The following CHODL variants were observed in gnomAD, a reference collection of about 807,000 sequenced individuals.
CHODL encodes transmembrane protein MT75.
Under a neutral mutation model 34.5 loss-of-function variants are expected in CHODL, and 29 were observed. The observed-to-expected ratio is 0.84, with a 90% confidence interval of 0.63 to 1.15. The LOEUF (loss-of-function observed/expected upper bound fraction) is 1.15, where lower values mean the gene tolerates loss of function less well. Among genes scored for constraint, CHODL ranks in the 50% most tolerant of loss-of-function variants. The probability of loss-of-function intolerance (pLI) is 0.00; values close to 1 mark genes in which losing one functional copy is unlikely to be tolerated. For missense variants in CHODL, 332 were observed against 332.5 expected, an observed-to-expected ratio of 1.00 and a Z score of 0.01; for synonymous variants, 125 against 116.1, an observed-to-expected ratio of 1.08 and a Z score of -0.49.
chr21:17,962,606 C>T (rs1175577169), intron 1 of CHODL, among the ~76,000 whole-genome samples: 1 of 152,088 alleles, frequency 6.6e-6, no homozygotes, highest in Non-Finnish European at 1.5e-5. Context: ...TATTTTATTA[C>T]CAGATGTGAC....
intron 1 of CHODL, among the ~76,000 whole-genome samples, chr21:17,925,443 G>A (rs2063215152): frequency 6.6e-6 from 1 of 152,172 alleles, no homozygotes. Context: ...CACATTTGAA[G>A]TGTCAGAGGG....
intron 2 of CHODL, among the ~76,000 whole-genome samples, chr21:18,224,166 T>C (rs1196477373): frequency 1.2e-4 from 18 of 152,152 alleles, no homozygotes. Flanking sequence ...TGTTACCAAA[T>C]TGACTGAGGT....
chr21:18,042,281 C>T (rs993030168), intron 2 of CHODL, among the ~76,000 whole-genome samples: 11 of 151,896 alleles, frequency 7.2e-5, no homozygotes, highest in African/African-American at 2.2e-4. Context: ...GGACCCCCTT[C>T]TCCCCACCCC....
At chr21:18,255,710 T>A (rs73206946) in intron 1 of CHODL, among the ~76,000 whole-genome samples, 8,174 of 152,106 alleles carry the variant, frequency 0.054, 319 homozygotes, top group Non-Finnish European at 0.078. Flanking sequence ...TTCCTTTTTT[T>A]AAAAAAGTAC....
At chr21:18,075,194 G>T (rs2064850004) in intron 2 of CHODL, among the ~76,000 whole-genome samples, 4 of 152,150 alleles carry the variant, frequency 2.6e-5, no homozygotes, top group Admixed American at 1.3e-4. Flanking sequence ...ACTAAAGAAT[G>T]CTCTCAGCCT....
At chr21:18,215,823 T>C (rs2073822303) in intron 2 of CHODL, among the ~76,000 whole-genome samples, 1 of 152,168 alleles carries the variant, frequency 6.6e-6, no homozygotes, top group Admixed American at 6.5e-5. Context: ...TACTTCTATC[T>C]ATGAGTTTAC....
At chr21:18,100,817 T>C (rs745505546) in intron 2 of CHODL, among the ~76,000 whole-genome samples, 3 of 152,168 alleles carry the variant, frequency 2.0e-5, no homozygotes, top group Admixed American at 6.6e-5. Context: ...AGAGTATTTA[T>C]ATACTGTATG....
intron 1 of CHODL, among the ~76,000 whole-genome samples, chr21:17,987,522 C>G (rs1414970536): frequency 2.0e-5 from 3 of 152,162 alleles, no homozygotes; most frequent in African/African-American, 7.2e-5. Flanking sequence ...CCACTTGAAG[C>G]TCAGTTTGAA....
chr21:17,931,738 G>A (rs2063275167), intron 1 of CHODL, among the ~76,000 whole-genome samples: 1 of 152,066 alleles, frequency 6.6e-6, no homozygotes, highest in Non-Finnish European at 1.5e-5. Flanking sequence ...ATTCACTGAA[G>A]GAATTACAAA....
At chr21:18,028,699 A>T (rs1406016542) in intron 2 of CHODL, among the ~76,000 whole-genome samples, 2 of 41,662 alleles carry the variant, frequency 4.8e-5, no homozygotes, top group East Asian at 3.5e-4. Flanking sequence ...AACTCCATCT[A>T]AAAAAAAAAA....
Position 17,980,091 on chromosome 21 carries a change from C to CT in CHODL, c.-144-47765dup, listed in dbSNP as rs59630058. On this transcript the variant is annotated intron_variant, in intron 1 of 6. Transcript: ENST00000400127. ...TTCCTGTATTGACATTAAATTCATCCTTTTTTTTTTTTTTTTGGTCTGGAG... is the reference window on the plus strand; with the variant it reads ...TTCCTGTATTGACATTAAATTCATCCTTTTTTTTTTTTTTTTTGGTCTGGAG... Among the ~76,000 whole-genome samples the CT allele has an allele frequency of 8.4e-3, 1,133 of 134,926 alleles. 10 individuals carry two copies. Among genetic ancestry groups the CT allele is most frequent in the African/African-American group, 0.022 (826 of 36,874 alleles). The allele number at this position is 134,926 out of a possible 152,430, so 88.5% of individuals were successfully genotyped here.
intron 2 of CHODL, among the ~76,000 whole-genome samples, chr21:18,237,584 A>T (rs532341294): frequency 6.6e-6 from 1 of 152,264 alleles, no homozygotes; most frequent in South Asian, 2.1e-4. Flanking sequence ...TGCAGTTCTT[A>T]TTATACATCC....
At chr21:18,215,430 G>T (rs1046583743) in intron 2 of CHODL, among the ~76,000 whole-genome samples, 3 of 152,136 alleles carry the variant, frequency 2.0e-5, no homozygotes, top group Non-Finnish European at 2.9e-5. Flanking sequence ...ATAGCAGAGA[G>T]ATATATAAAG....
chr21:18,091,648 T>G (rs1489868152), intron 2 of CHODL, among the ~76,000 whole-genome samples: 1 of 152,122 alleles, frequency 6.6e-6, no homozygotes, highest in Non-Finnish European at 1.5e-5. Context: ...AAGCTGGGCA[T>G]TTGGGTCCTC....
intron 2 of CHODL, among the ~76,000 whole-genome samples, chr21:18,113,925 TGTG>T (rs1321512638): frequency 2.0e-5 from 3 of 152,138 alleles, no homozygotes; most frequent in African/African-American, 4.8e-5. Flanking sequence ...ATAAACAAAA[TGTG>T]GTCCATATAC....
intron 1 of CHODL, among the ~76,000 whole-genome samples, chr21:18,251,347 G>A (rs577142133): frequency 1.5e-5 from 2 of 137,444 alleles, no homozygotes; most frequent in Admixed American, 7.3e-5. Flanking sequence ...AAACTAATAA[G>A]GATGAATATT....
intron 1 of CHODL, among the ~76,000 whole-genome samples, chr21:17,923,468 T>G (rs2146311424): frequency 6.6e-6 from 1 of 151,168 alleles, no homozygotes; most frequent in East Asian, 1.9e-4. Flanking sequence ...TTCAGTTTTT[T>G]TTTTTTTTTT....
At chr21:18,041,716 G>A (rs2064378124) in intron 2 of CHODL, among the ~76,000 whole-genome samples, 1 of 151,846 alleles carries the variant, frequency 6.6e-6, no homozygotes, top group Admixed American at 6.6e-5. Context: ...TAACTGAGAT[G>A]TCTAGTTCAG....
chr21:18,049,294 CT>C (rs1258109676), intron 2 of CHODL, among the ~76,000 whole-genome samples: 1 of 151,848 alleles, frequency 6.6e-6, no homozygotes, highest in African/African-American at 2.4e-5. Context: ...AATTGATAAA[CT>C]TTTTAGAAGT....
Sources: gnomAD v4.1 joint callset for allele counts (sites outside exome capture counted in the v4.1 genomes callset) on GRCh38, gnomAD v4.1.1 for gene constraint, MANE v1.5 for transcripts, NCBI Gene and HGNC (gene_info 2026-07-23, HGNC 2026-07-21) for gene names.